The following OARD1 variants were observed in gnomAD, a reference collection of about 807,000 sequenced individuals.
OARD1 encodes ADP-ribose glycohydrolase OARD1.
Under a neutral mutation model 19.7 loss-of-function variants are expected in OARD1, and 19 were observed. The observed-to-expected ratio is 0.96, with a 90% CI of 0.67 to 1.41. The LOEUF (loss-of-function observed/expected upper bound fraction) is 1.41, where lower values mean the gene tolerates loss of function less well. OARD1 is among the 40% of genes most tolerant of loss of function. OARD1 has a pLI of 0.00. For synonymous variants in OARD1, 70 were observed against 61.8 expected (o/e 1.13, Z -0.62); for missense variants, 190 against 183.8 (o/e 1.03, Z -0.20).
chr6:41,071,850 T>TTAG (rs1481381695), intron 1 of OARD1, 175 bp from the exon 2 acceptor site: 6 of 545,198 alleles, frequency 1.1e-5, no homozygotes, highest in Admixed American at 3.1e-5. Flanking sequence ...GGAAGAACGC[T>TTAG]TAGGTTCGGA....
chr6:41,068,579 C>A (rs1763147547), intron 5 of OARD1, among the ~76,000 whole-genome samples: 1 of 152,222 alleles, frequency 6.6e-6, no homozygotes, highest in Non-Finnish European at 1.5e-5. Context: ...AGCTGAATGA[C>A]AATGGTCGCT....
chr6:41,091,516 GTTTTC>G, intron 1 of OARD1: 1 of 1,612,126 alleles, frequency 6.2e-7, no homozygotes, highest in Admixed American at 1.7e-5. Context: ...TTTATGTTTT[GTTTTC>G]TTAAAGTTAC....
Position 41,071,233 on chromosome 6 carries a change from T to G in OARD1, c.83A>C (p.Asp28Ala). The G allele has an allele frequency of 3.1e-6, 5 of 1,613,980 alleles. 1 individual carries two copies. Among genetic ancestry groups the G allele is most frequent in the East Asian group, 2.2e-5 (1 of 44,880 alleles). Residue 28 changes from aspartate (D) to alanine (A), a missense_variant, in exon 3 of 6, where the codon GAC becomes GCC. Coordinates refer to ENST00000424266, the MANE Select transcript of OARD1 (RefSeq NM_001329686.2). ...KGDLFACPKT[D>A]SLAHCISEDC... is the part of the protein sequence containing the mutation. Reference sequence around the variant, plus strand: ...CTCACTGATACAGTGGGCTAAAGAGTCTGTTTTCGGGCATGCAAAAAGGTC... The same window carrying G: ...CTCACTGATACAGTGGGCTAAAGAGGCTGTTTTCGGGCATGCAAAAAGGTC...
chr6:41,083,190 T>C (rs1449077996), intron 1 of OARD1, among the ~76,000 whole-genome samples: 2 of 152,334 alleles, frequency 1.3e-5, no homozygotes, highest in African/African-American at 2.4e-5. Flanking sequence ...CTATTAGGTA[T>C]TTTTGTATTG....
chr6:41,073,575 CGCTCCCA>C (rs1763613500), upstream of OARD1, among the ~76,000 whole-genome samples: 1 of 151,912 alleles, frequency 6.6e-6, no homozygotes, highest in African/African-American at 2.4e-5. Context: ...CCCCGCTCCC[CGCTCCCA>C]GCGAGCCGGG....
At chr6:41,073,300 G>T (rs1763588261), upstream of OARD1, among the ~76,000 whole-genome samples, 1 of 151,662 alleles carries the variant, frequency 6.6e-6, no homozygotes, top group South Asian at 2.1e-4. Flanking sequence ...CCCGCGCGGG[G>T]ATGGCGCCTC....
intron 1 of OARD1, 160 bp from the exon 2 acceptor site, chr6:41,071,835 A>G: frequency 1.8e-6 from 1 of 551,090 alleles, no homozygotes; most frequent in South Asian, 2.4e-5. Flanking sequence ...CTTCTGGGGC[A>G]AAGAGGAAGA....
chr6:41,071,961 G>A, intron 1 of OARD1: 1 of 372,716 alleles, frequency 2.7e-6, no homozygotes, highest in Non-Finnish European at 5.0e-6. Context: ...CTTTCTCCAG[G>A]GCCACTCCGG....
At chr6:41,071,489 G>C (rs1350795938) in intron 2 of OARD1, 107 bp downstream of exon 2, 5 of 1,123,776 alleles carry the variant, frequency 4.4e-6, no homozygotes, top group Non-Finnish European at 5.4e-6. Flanking sequence ...ATCAGCTAGA[G>C]AGAAAAAAAG....
At chr6:41,088,462 T>C (rs1764109025) in intron 1 of OARD1, among the ~76,000 whole-genome samples, 1 of 151,728 alleles carries the variant, frequency 6.6e-6, no homozygotes. Flanking sequence ...TTATAGTTTC[T>C]GTGAGTTAGG....
upstream of OARD1, among the ~76,000 whole-genome samples, chr6:41,076,974 A>G (rs899723047): frequency 1.3e-5 from 2 of 152,164 alleles, no homozygotes; most frequent in Non-Finnish European, 2.9e-5. Context: ...AAATCTTGAT[A>G]CTCTTCAAAG....
rs746573123 is a variant in OARD1 at position 41,071,679 on chromosome 6, T to C, written c.-41-4A>G. ...CAGAATTTAAGTGTTTCTTCAGCTATGAGAAGGGAAAAGGAAGTAAAAATG... is the reference window on the plus strand; with the variant it reads ...CAGAATTTAAGTGTTTCTTCAGCTACGAGAAGGGAAAAGGAAGTAAAAATG... On this transcript the variant is annotated splice_region_variant and splice_polypyrimidine_tract_variant and intron_variant, in intron 1 of 5. Transcript: ENST00000424266. 1 of 1,553,534 alleles carries C rather than the reference T, an allele frequency of 6.4e-7. No homozygotes were observed. The highest frequency in any genetic ancestry group is 1.1e-5 in the South Asian group (1 of 89,838).
intron 1 of OARD1, among the ~76,000 whole-genome samples, chr6:41,085,498 C>T (rs1341828140): frequency 1.3e-5 from 2 of 151,942 alleles, no homozygotes; most frequent in East Asian, 1.9e-4. Flanking sequence ...TAACCAACCC[C>T]CCATGAGTAT....
chr6:41,084,365 G>A (rs1258695836), intron 1 of OARD1, among the ~76,000 whole-genome samples: 1 of 152,184 alleles, frequency 6.6e-6, no homozygotes, highest in East Asian at 1.9e-4. Flanking sequence ...GAACTATGCA[G>A]AAATTGGACA....
At chr6:41,096,986 A>G (rs779154883) in intron 1 of OARD1, among the ~76,000 whole-genome samples, 8 of 152,240 alleles carry the variant, frequency 5.3e-5, no homozygotes, top group Non-Finnish European at 8.8e-5. Flanking sequence ...TGATCAAAAA[A>G]CAGTGACAAA....
At chr6:41,072,068 A>T (rs1408973868) in intron 1 of OARD1, among the ~76,000 whole-genome samples, 168 bp downstream of exon 1, 1 of 152,236 alleles carries the variant, frequency 6.6e-6, no homozygotes, top group Non-Finnish European at 1.5e-5. Context: ...GGACTTGGCC[A>T]CAGTCCCGTT....
intron 1 of OARD1, chr6:41,093,193 G>T: frequency 1.1e-6 from 1 of 927,420 alleles, no homozygotes. Flanking sequence ...AACAATTGAC[G>T]TTAGATACTT....
chr6:41,089,580 T>C (rs1041258137), intron 1 of OARD1: 1 of 1,606,426 alleles, frequency 6.2e-7, no homozygotes, highest in African/African-American at 1.3e-5. Context: ...TTTCTGCAGA[T>C]ACAGTTGGTC....
At chr6:41,089,788 T>C in intron 1 of OARD1, 1 of 1,535,890 alleles carries the variant, frequency 6.5e-7, no homozygotes, top group Non-Finnish European at 8.8e-7. Context: ...ATTTCATGTA[T>C]AGCATGTATA....
Sources: allele counts gnomAD v4.1 joint callset (sites outside exome capture counted in the v4.1 genomes callset), GRCh38; gene constraint gnomAD v4.1.1; transcripts MANE v1.5; gene names NCBI Gene and HGNC (gene_info 2026-07-23, HGNC 2026-07-21).